The following KIAA1217 variants were observed in gnomAD, a reference collection of about 807,000 sequenced individuals.
KIAA1217 encodes the protein sickle tail protein homolog.
Under a neutral mutation model 163.9 loss-of-function variants are expected in KIAA1217, and 88 were observed. The observed-to-expected ratio is 0.54, with a 90% CI of 0.45 to 0.64. The LOEUF (loss-of-function observed/expected upper bound fraction) is 0.64, where lower values mean the gene tolerates loss of function less well. KIAA1217 is among the 30% of genes least tolerant of loss of function. The probability of loss-of-function intolerance (pLI) is 0.00; values close to 1 mark genes in which losing one functional copy is unlikely to be tolerated. For missense variants in KIAA1217, 2,372 were observed against 2,475.0 expected (o/e 0.96, Z 0.88); for synonymous variants, 903 against 923.1 (o/e 0.98, Z 0.39).
At chr10:23,809,844 TG>T (rs1836912144) in intron 1 of KIAA1217, among the ~76,000 whole-genome samples, 1 of 152,096 alleles carries the variant, frequency 6.6e-6, no homozygotes, top group Non-Finnish European at 1.5e-5. Flanking sequence ...CATATGCAGA[TG>T]GTCTCTGACT....
intron 2 of KIAA1217, among the ~76,000 whole-genome samples, chr10:24,365,453 A>G (rs12269162): frequency 0.02 from 2,960 of 148,894 alleles, 91 homozygotes; most frequent in African/African-American, 0.07. Context: ...TCCTGTTTTT[A>G]TCTTACACTT....
chr10:24,004,711 T>C (rs1349856490), intron 1 of KIAA1217, among the ~76,000 whole-genome samples: 1 of 152,270 alleles, frequency 6.6e-6, no homozygotes, highest in African/African-American at 2.4e-5. Context: ...CCTTCTCATA[T>C]ACAACTTTCT....
At position 24,353,418 on chromosome 10, in the gene KIAA1217, C is replaced by T. The variant is rs370686438; in HGVS notation, c.355-27451C>T. On this transcript the variant is annotated intron_variant, in intron 2 of 20. Coordinates refer to ENST00000376454, the MANE Select transcript of KIAA1217 (RefSeq NM_019590.5). ...GGGTGTTCCAGGAAGCTCCGCGGTA[C>T]CTTTTATTTTATTTTACTTTATTTT... Among the ~76,000 whole-genome samples the T allele has an allele frequency of 1.2e-4, 18 of 151,770 alleles. No individual in the cohort carries two copies. In the East Asian group the frequency reaches 1.4e-3, roughly 11 times the overall value.
intron 1 of KIAA1217, among the ~76,000 whole-genome samples, chr10:23,819,307 C>T (rs1837509690): frequency 6.6e-6 from 1 of 152,138 alleles, no homozygotes; most frequent in Non-Finnish European, 1.5e-5. Context: ...TGTTTGGGTC[C>T]TCCAAGAGGT....
intron 1 of KIAA1217, among the ~76,000 whole-genome samples, chr10:23,703,746 C>T (rs1198565055): frequency 6.6e-6 from 1 of 151,822 alleles, no homozygotes; most frequent in East Asian, 1.9e-4. Context: ...CCCTTTTCTT[C>T]TTGGTAAATG....
chr10:24,075,119 TACACACACACACACACACACACAC>T (rs71397929), intron 2 of KIAA1217, among the ~76,000 whole-genome samples: 7 of 131,500 alleles, frequency 5.3e-5, no homozygotes, highest in Admixed American at 7.9e-5. Flanking sequence ...TCCCCCTAAA[TACACACACACACACACACACACAC>T]ACACACACAC....
chr10:24,402,523 C>CA (rs1173653514), intron 3 of KIAA1217, among the ~76,000 whole-genome samples: 1,734 of 70,894 alleles, frequency 0.024, 67 homozygotes, highest in African/African-American at 0.073. Context: ...AAACAAAAAA[C>CA]AAAACAAAAA....
At chr10:24,449,270 A>G (rs2061208220) in intron 5 of KIAA1217, among the ~76,000 whole-genome samples, 1 of 152,122 alleles carries the variant, frequency 6.6e-6, no homozygotes, top group Non-Finnish European at 1.5e-5. Context: ...GCAACTTCCA[A>G]GTGATACAAA....
intron 1 of KIAA1217, among the ~76,000 whole-genome samples, chr10:23,818,617 C>T (rs1354636594): frequency 6.6e-6 from 1 of 152,062 alleles, no homozygotes; most frequent in Non-Finnish European, 1.5e-5. Context: ...CCAAAACCCA[C>T]TTCCGTCTGC....
chr10:23,977,288 T>C (rs1845581362), intron 1 of KIAA1217, among the ~76,000 whole-genome samples: 1 of 152,178 alleles, frequency 6.6e-6, no homozygotes, highest in African/African-American at 2.4e-5. Context: ...ATGTCATAAA[T>C]CTATAACCTG....
At chr10:24,146,971 C>T (rs2064345520) in intron 2 of KIAA1217, among the ~76,000 whole-genome samples, 1 of 144,658 alleles carries the variant, frequency 6.9e-6, no homozygotes, top group South Asian at 2.2e-4. Context: ...TTCCGTGTTC[C>T]TAAGAATCAC....
At chr10:24,318,514 C>T (rs1194564715) in intron 2 of KIAA1217, among the ~76,000 whole-genome samples, 2 of 152,124 alleles carry the variant, frequency 1.3e-5, no homozygotes, top group African/African-American at 4.8e-5. Context: ...GATTTGCCAT[C>T]CCCCACAATC....
At chr10:23,815,036 TCTAA>T (rs1428513899) in intron 1 of KIAA1217, among the ~76,000 whole-genome samples, 1 of 152,202 alleles carries the variant, frequency 6.6e-6, no homozygotes, top group Non-Finnish European at 1.5e-5. Flanking sequence ...ATTCTTTCTC[TCTAA>T]CTACATCTTT....
At chr10:24,406,001 A>G (rs1159529677) in intron 3 of KIAA1217, among the ~76,000 whole-genome samples, 1 of 152,236 alleles carries the variant, frequency 6.6e-6, no homozygotes, top group East Asian at 1.9e-4. Context: ...AAGCTTTCCT[A>G]TCTTCCCTTT....
intron 6 of KIAA1217, among the ~76,000 whole-genome samples, chr10:24,474,619 A>G (rs1004271286): frequency 1.3e-5 from 2 of 152,206 alleles, no homozygotes; most frequent in Non-Finnish European, 2.9e-5. Context: ...TTTAATATTT[A>G]TCTAGGAGTG....
chr10:24,435,188 C>A (rs1219707881), intron 4 of KIAA1217, among the ~76,000 whole-genome samples: 1 of 152,178 alleles, frequency 6.6e-6, no homozygotes, highest in African/African-American at 2.4e-5. Flanking sequence ...TTGACACATG[C>A]CTCAAGGTAT....
chr10:24,264,524 A>G (rs1049873359), intron 2 of KIAA1217, among the ~76,000 whole-genome samples: 3 of 152,140 alleles, frequency 2.0e-5, no homozygotes, highest in South Asian at 4.1e-4. Context: ...AAATACACAC[A>G]CAAACAGAGG....
intron 2 of KIAA1217, among the ~76,000 whole-genome samples, chr10:24,281,153 C>G (rs905105211): frequency 1.3e-5 from 2 of 152,210 alleles, no homozygotes; most frequent in African/African-American, 4.8e-5. Flanking sequence ...AGAGCTCCCA[C>G]ATACAATGTA....
chr10:24,545,540 A>G, intron 20 of KIAA1217: 1 of 1,330,106 alleles, frequency 7.5e-7, no homozygotes. Flanking sequence ...GTAATTATCC[A>G]GACGCATGGC....
Sources: allele counts gnomAD v4.1 joint callset (sites outside exome capture counted in the v4.1 genomes callset), GRCh38; gene constraint gnomAD v4.1.1; transcripts MANE v1.5; gene names NCBI Gene and HGNC (gene_info 2026-07-23, HGNC 2026-07-21).